The following INSR variants were observed in gnomAD, a reference collection of about 807,000 sequenced individuals.
INSR encodes insulin receptor, also known as IR.
Under a neutral mutation model 142.6 loss-of-function variants are expected in INSR, and 67 were observed. The observed-to-expected ratio is 0.47, with a 90% confidence interval of 0.39 to 0.58. The LOEUF (loss-of-function observed/expected upper bound fraction) is 0.58. Among genes scored for constraint, INSR ranks in the 20% least tolerant of loss-of-function variants. INSR has a pLI of 0.00. For missense variants in INSR, 1,248 were observed against 1,833.2 expected (o/e 0.68, Z 5.83); for synonymous variants, 756 against 743.1 (o/e 1.02, Z -0.28).
At position 7,150,553 on chromosome 19, in the gene INSR, C is replaced by T; in HGVS notation, c.2232-21G>A. 1 of 1,613,784 alleles carries T rather than the reference C, an allele frequency of 6.2e-7. No individual in the cohort carries two copies. The highest frequency in any genetic ancestry group is 8.5e-7 in the Non-Finnish European group (1 of 1,179,730). ...TTTTTCTGTGGAAACAAAACCAACG[C>T]CTTTGAGGACAGAGGGAACTTCATT... On this transcript the variant is annotated intron_variant, in intron 10 of 21. Coordinates refer to ENST00000302850, the MANE Select transcript of INSR (RefSeq NM_000208.4). This position sits in a 1 kb window ranked among gnomAD's most constrained non-coding sequence, Gnocchi z 4.2.
chr19:7,179,872 T>G lies in INSR; in HGVS notation c.974+4444A>C, dbSNP rs576861075. On this transcript the variant is annotated intron_variant, in intron 3 of 21. Transcript: ENST00000302850. ...CTCCCACCAAGAAGTGGAGTCTATG[T>G]TCCCACCTGTTGAATCTGGGCTTGG... Among the ~76,000 whole-genome samples the G allele has an allele frequency of 3.6e-4, 55 of 152,300 alleles. 1 individual carries two copies. The highest frequency in any genetic ancestry group is 1.3e-3 in the African/African-American group (55 of 41,574).
At chr19:7,229,300 TG>T (rs1975888821) in intron 2 of INSR, among the ~76,000 whole-genome samples, 3 of 124,310 alleles carry the variant, frequency 2.4e-5, no homozygotes, top group Non-Finnish European at 4.9e-5. Context: ...GATGGAGGGA[TG>T]ATGGATGGAT....
chr19:7,214,061 T>C (rs765600205), intron 2 of INSR, among the ~76,000 whole-genome samples: 1 of 152,158 alleles, frequency 6.6e-6, no homozygotes, highest in African/African-American at 2.4e-5. Context: ...GTTAGCAACC[T>C]GGGCGAGAAG....
chr19:7,275,607 A>G (rs1968041543), intron 1 of INSR, among the ~76,000 whole-genome samples: 1 of 151,502 alleles, frequency 6.6e-6, no homozygotes, highest in African/African-American at 2.4e-5. Flanking sequence ...ACATGGTGAA[A>G]CCCCGTCTCT....
Position 7,293,840 on chromosome 19 carries a change from C to A in INSR, c.52G>T (p.Val18Leu). 5.4e-6 allele frequency: 7 copies of A among 1,300,416 alleles called. No individual in the cohort carries two copies. The highest frequency in any genetic ancestry group is 6.8e-6 in the Non-Finnish European group (7 of 1,027,558). The allele number at this position is 1,300,416 out of a possible 1,614,324, so 80.6% of individuals were successfully genotyped here. Residue 18 changes from valine (V) to leucine (L), a missense_variant, in exon 1 of 22, where the codon GTG (valine) becomes TTG (leucine). Physicochemically the swap from Val to Leu is conservative, Grantham distance 32. Around this residue, in one of 3 missense-constraint regions of INSR, gnomAD observed 57 missense variants for 49.5 expected, o/e 1.15. Transcript: ENST00000302850. ...GCGGCGCCCAGTAGCAGCGCGGCCACCGCCACCAGCAGCGGCGCGGCCGCC... is the reference window on the plus strand; with the variant it reads ...GCGGCGCCCAGTAGCAGCGCGGCCAACGCCACCAGCAGCGGCGCGGCCGCC... ...GAAAAPLLVAVAALLLGAAGH... is the reference protein window; with the variant it reads ...GAAAAPLLVALAALLLGAAGH...
At position 7,292,102 on chromosome 19, in the gene INSR, A is replaced by AT. The variant is rs1489480761; in HGVS notation, c.100+1689dup. Among the ~76,000 whole-genome samples, 162 of 97,790 alleles carry AT rather than the reference A, an allele frequency of 1.7e-3. 1 individual carries two copies. Among genetic ancestry groups the AT allele is most frequent in the Middle Eastern group, 0.012 (1 of 82 alleles). The allele number at this position is 97,790 out of a possible 152,430, so 64.2% of individuals were successfully genotyped here. On this transcript the variant is annotated intron_variant, in intron 1 of 21. Coordinates refer to ENST00000302850, the MANE Select transcript of INSR (RefSeq NM_000208.4). Reference sequence around the variant, plus strand: ...GCCACCACGCCCCGCCTTTTTTTTTATTTTTTTGAGACAAAGTCTCGCTCT... The same window carrying AT: ...GCCACCACGCCCCGCCTTTTTTTTTATTTTTTTTGAGACAAAGTCTCGCTCT...
intron 11 of INSR, among the ~76,000 whole-genome samples, chr19:7,144,278 A>G (rs2144865952): frequency 6.6e-6 from 1 of 152,230 alleles, no homozygotes; most frequent in African/African-American, 2.4e-5. Flanking sequence ...CCTTTTTAAT[A>G]TTAGGGTTTT....
chr19:7,221,445 C>T (rs1304348199), intron 2 of INSR, among the ~76,000 whole-genome samples: 11 of 151,120 alleles, frequency 7.3e-5, no homozygotes, highest in African/African-American at 2.4e-4. Flanking sequence ...GCAGTGGCCA[C>T]GCCTGTAATC....
chr19:7,143,804 C>T lies in INSR; in HGVS notation c.2268-714G>A, dbSNP rs143328207. On this transcript the variant is annotated intron_variant, in intron 11 of 21. Transcript: ENST00000302850. ...GCGAGGTGGCTCATGCCTATAATCC[C>T]AGTACTTTGGGAGGCCAAGGCGGGC... Among the ~76,000 whole-genome samples the T allele has an allele frequency of 6.5e-3, 987 of 152,202 alleles. 7 individuals are homozygous for T. Among genetic ancestry groups the T allele is most frequent in the East Asian group, 0.042 (216 of 5,170 alleles).
At chr19:7,167,088 T>C (rs928764940) in intron 7 of INSR, among the ~76,000 whole-genome samples, 18 of 152,190 alleles carry the variant, frequency 1.2e-4, no homozygotes, top group African/African-American at 4.3e-4. Flanking sequence ...AATAAGCATC[T>C]CCTTTGAGTA....
intron 2 of INSR, among the ~76,000 whole-genome samples, chr19:7,189,043 T>C (rs563545891): frequency 6.6e-6 from 1 of 152,194 alleles, no homozygotes; most frequent in East Asian, 1.9e-4. Context: ...TCTATAATTA[T>C]CATAATTATC....
intron 1 of INSR, among the ~76,000 whole-genome samples, chr19:7,288,104 A>T (rs540857419): frequency 6.6e-6 from 1 of 152,236 alleles, no homozygotes; most frequent in Admixed American, 6.5e-5. Context: ...TCATGCCTAT[A>T]ATCCCAGCAC....
intron 2 of INSR, among the ~76,000 whole-genome samples, chr19:7,228,953 GT>G (rs1353952112): frequency 3.3e-5 from 5 of 151,248 alleles, no homozygotes; most frequent in African/African-American, 1.2e-4. Flanking sequence ...AGGGACAGGT[GT>G]GTGGATTGTT....
chr19:7,265,280 G>A (rs1318260336), intron 2 of INSR, among the ~76,000 whole-genome samples: 1 of 152,082 alleles, frequency 6.6e-6, no homozygotes, highest in Non-Finnish European at 1.5e-5. Flanking sequence ...GCAGATCTAT[G>A]GACACACCAG....
chr19:7,146,841 T>C (rs532758463), intron 11 of INSR, among the ~76,000 whole-genome samples: 85 of 152,338 alleles, frequency 5.6e-4, no homozygotes, highest in African/African-American at 1.9e-3. Context: ...AAGTGCACCA[T>C]TGTCCAAAGA....
intron 1 of INSR, among the ~76,000 whole-genome samples, chr19:7,282,278 T>C (rs994712641): frequency 2.0e-5 from 3 of 151,550 alleles, no homozygotes; most frequent in Non-Finnish European, 4.4e-5. Flanking sequence ...GGCAGGAGAA[T>C]TGCTTGAACC....
At chr19:7,208,816 C>T (rs546364519) in intron 2 of INSR, among the ~76,000 whole-genome samples, 2 of 1,094 alleles carry the variant, frequency 1.8e-3, no homozygotes, top group South Asian at 0.083. Context: ...CCATCCTGGC[C>T]AACATGCGAA....
At chr19:7,190,190 A>G (rs911645823) in intron 2 of INSR, among the ~76,000 whole-genome samples, 10 of 147,660 alleles carry the variant, frequency 6.8e-5, no homozygotes, top group East Asian at 2.0e-4. Flanking sequence ...CTCCTTGCCG[A>G]AAAAAAAAAG....
rs752117390 is a variant in INSR, at chr19:7,170,534, T to G, written c.1483+3A>C. ...CCAAAAAGGTTGGGGACCAGTGACT[T>G]ACAGGATGCCTGGTCCCCATTGGTC... On this transcript the variant is annotated splice_donor_region_variant and intron_variant, in intron 6 of 21. Transcript: ENST00000302850. The G allele has an allele frequency of 1.9e-6, 3 of 1,610,702 alleles. No homozygotes were observed. In the South Asian group the frequency reaches 3.3e-5, roughly 18 times the overall value.
Sources: allele counts gnomAD v4.1 joint callset (sites outside exome capture counted in the v4.1 genomes callset), GRCh38; gene constraint gnomAD v4.1.1; regional missense constraint gnomAD v4.1.1; non-coding constraint Gnocchi (gnomAD v3.1); transcripts MANE v1.5; gene names NCBI Gene and HGNC (gene_info 2026-07-23, HGNC 2026-07-21).